The following PRPS1 variants were observed in gnomAD, a reference collection of about 807,000 sequenced individuals.
PRPS1 encodes ribose-phosphate pyrophosphokinase 1.
Under a neutral mutation model 16.9 loss-of-function variants are expected in PRPS1, and 1 was observed. The ratio of observed to expected loss-of-function variants is 0.06; its 90% CI spans 0.02 to 0.28. The LOEUF (loss-of-function observed/expected upper bound fraction) is 0.28, where lower values mean the gene tolerates loss of function less well. Among genes scored for constraint, PRPS1 ranks in the 10% least tolerant of loss-of-function variants. The pLI, the probability that PRPS1 is intolerant of heterozygous loss-of-function variation, is 1.00. For synonymous variants in PRPS1, 70 were observed against 90.2 expected, an observed-to-expected ratio of 0.78 and a Z score of 1.27; for missense variants, 47 against 254.0, an observed-to-expected ratio of 0.19 and a Z score of 5.54.
intron 2 of PRPS1, among the ~76,000 whole-genome samples, chrX:107,639,832 A>G (rs1475330728): frequency 1.8e-5 from 2 of 111,849 alleles, no homozygotes; most frequent in African/African-American, 6.5e-5. Flanking sequence ...TGACCTCTTC[A>G]TAAAACTTGA....
chrX:107,649,821 GCA>G, intron 6 of PRPS1, 117 bp from the exon 7 acceptor site: 1 of 1,140,524 alleles, frequency 8.8e-7, no homozygotes, highest in Non-Finnish European at 1.2e-6. Context: ...CAGGGAAACA[GCA>G]CAGTGTTGCA....
At chrX:107,641,173 G>T in intron 3 of PRPS1, 173 bp downstream of exon 3, 1 of 1,150,402 alleles carries the variant, frequency 8.7e-7, no homozygotes, top group African/African-American at 1.8e-5. Context: ...AGTCATTTCA[G>T]GTGGTTAGAT....
chrX:107,644,063 C>T (rs1925634660), intron 4 of PRPS1, among the ~76,000 whole-genome samples: 1 of 112,310 alleles, frequency 8.9e-6, no homozygotes, highest in Non-Finnish European at 1.9e-5. Flanking sequence ...CATGGACAGA[C>T]GTGCCACTGG....
chrX:107,641,112 G>C lies in PRPS1; in HGVS notation c.405+112G>C. The C allele has an allele frequency of 2.5e-6, 3 of 1,194,694 alleles. No homozygotes were observed. The South Asian group carries it at 5.4e-5, about 22-fold the overall frequency. On this transcript the variant is annotated intron_variant, in intron 3 of 6. Coordinates refer to ENST00000372435, the MANE Select transcript of PRPS1 (RefSeq NM_002764.4). ...GCCCAAGTACATCTGAAATAAACTA[G>C]ATATCAACAACATTTTAAATGTGTT... is the stretch of plus-strand genomic sequence containing the variant.
intron 2 of PRPS1, 127 bp from the exon 3 acceptor site, chrX:107,640,772 CCTT>C (rs1389634115): frequency 1.2e-5 from 8 of 675,727 alleles, no homozygotes; most frequent in South Asian, 2.4e-5. Flanking sequence ...GGACATGTCT[CCTT>C]CTATGAATTT....
intron 4 of PRPS1, 95 bp from the exon 5 acceptor site, chrX:107,645,082 G>A (rs1925660518): frequency 9.8e-7 from 1 of 1,016,866 alleles, no homozygotes; most frequent in African/African-American, 1.9e-5. Context: ...CCAAAGTGCT[G>A]GGATTACAGG....
Position 107,650,863 on chromosome X carries a change from T to G in PRPS1, c.*831T>G, listed in dbSNP as rs1482925909. The G allele has an allele frequency of 1.4e-5, 4 of 289,151 alleles. No homozygotes were observed. The highest frequency in any genetic ancestry group is 2.4e-5 in the Non-Finnish European group (4 of 166,318). The allele number at this position is 289,151 out of a possible 1,213,427, so 23.8% of individuals were successfully genotyped here. On this transcript the variant is annotated 3_prime_UTR_variant, in exon 7 of 7. Transcript: ENST00000372435. ...AGCCTACTGCCACTGAGGCAGTAGG[T>G]TTTAGGTGGTATCGTAGTGCCTTTT...
chrX:107,639,014 C>G (rs1293493465), intron 1 of PRPS1, among the ~76,000 whole-genome samples: 2 of 112,490 alleles, frequency 1.8e-5, no homozygotes, highest in East Asian at 5.5e-4. Context: ...GGATTATAGG[C>G]ATGAGCCACT....
intron 4 of PRPS1, among the ~76,000 whole-genome samples, chrX:107,643,835 G>A: frequency 9.0e-6 from 1 of 111,691 alleles, no homozygotes; most frequent in Middle Eastern, 4.6e-3. Context: ...AGAGTACAGG[G>A]TATGGTTGGT....
intron 1 of PRPS1, among the ~76,000 whole-genome samples, chrX:107,638,599 T>A (rs915908065): frequency 9.0e-6 from 1 of 111,549 alleles, no homozygotes; most frequent in African/African-American, 3.3e-5. Context: ...TTATTTATTT[T>A]TTGTAGAGAT....
chrX:107,638,877 C>T (rs926109656), intron 1 of PRPS1, among the ~76,000 whole-genome samples: 3 of 110,834 alleles, frequency 2.7e-5, no homozygotes, highest in African/African-American at 9.8e-5. Flanking sequence ...GGACTACAGG[C>T]GCCTGCCACC....
Position 107,628,539 on chromosome X carries a change from G to A in PRPS1, c.-90G>A, listed in dbSNP as rs920387457. 7 of 1,198,065 alleles carry A rather than the reference G, an allele frequency of 5.8e-6. No homozygotes were observed. The highest frequency in any genetic ancestry group is 6.3e-4 in the Middle Eastern group (2 of 3,193). ...TAAGATGGCGGAGTAGCAACGCAAA[G>A]CGCTTGGTATTGAGTCTGTGGCCGA... On this transcript the variant is annotated 5_prime_UTR_variant, in exon 1 of 7. Transcript: ENST00000372435.
At chrX:107,648,768 T>G (rs1925762363) in intron 6 of PRPS1, among the ~76,000 whole-genome samples, 1 of 111,049 alleles carries the variant, frequency 9.0e-6, no homozygotes, top group Admixed American at 9.6e-5. Context: ...TTGTTTGTTT[T>G]TTGTTTTTGA....
At chrX:107,631,966 G>T in intron 1 of PRPS1, among the ~76,000 whole-genome samples, 1 of 112,872 alleles carries the variant, frequency 8.9e-6, no homozygotes, top group Admixed American at 9.4e-5. Flanking sequence ...TGGGATTATA[G>T]GTGTGAGCTA....
rs1925806086 is a variant in PRPS1 at position 107,650,542 on chromosome X, C to T, written c.*510C>T. On this transcript the variant is annotated 3_prime_UTR_variant, in exon 7 of 7. Transcript: ENST00000372435. ...GAGCAGGCAGCTCAGCTTGAGCAGACATTGGGTGGGGGGTGGGGGGTGGTT... is the reference window on the plus strand; with the variant it reads ...GAGCAGGCAGCTCAGCTTGAGCAGATATTGGGTGGGGGGTGGGGGGTGGTT... 2 of 254,895 alleles carry T rather than the reference C, an allele frequency of 7.8e-6. No individual in the cohort carries two copies. Among genetic ancestry groups the T allele is most frequent in the African/African-American group, 8.3e-5 (2 of 24,230 alleles). The allele number at this position is 254,895 out of a possible 1,213,427, so 21.0% of individuals were successfully genotyped here. A position where few individuals can be genotyped will look rare whatever the true frequency, so the allele number is the denominator to read the frequency against.
In PRPS1 at chrX:107,642,604, T is replaced by C. The variant is rs1460334876; in HGVS notation, c.530+114T>C. On this transcript the variant is annotated intron_variant, in intron 4 of 6. Transcript: ENST00000372435. ...CAGTTTTTAAGTATTTTTGAATGGA[T>C]GTAAGTAGCTAGCACATGGGTTGAA... 1.3e-5 allele frequency: 12 copies of C among 945,152 alleles called. No homozygotes were observed. The South Asian group carries it at 1.8e-4, about 14-fold the overall frequency. The allele number at this position is 945,152 out of a possible 1,213,427, so 77.9% of individuals were successfully genotyped here.
At chrX:107,648,832 T>C (rs1925764377) in intron 6 of PRPS1, among the ~76,000 whole-genome samples, 1 of 111,591 alleles carries the variant, frequency 9.0e-6, no homozygotes, top group South Asian at 3.7e-4. Context: ...CGATCTCAGC[T>C]CACCGCAACC....
At chrX:107,636,433 A>T (rs756969417) in intron 1 of PRPS1, among the ~76,000 whole-genome samples, 1 of 112,652 alleles carries the variant, frequency 8.9e-6, no homozygotes, top group African/African-American at 3.2e-5. Flanking sequence ...AAAAAGGTTT[A>T]TCCTAAACTA....
intron 1 of PRPS1, among the ~76,000 whole-genome samples, chrX:107,636,056 C>CA (rs965370775): frequency 0.1 from 4,392 of 43,060 alleles, 518 homozygotes; most frequent in African/African-American, 0.3. Context: ...GAGACTGTCT[C>CA]AAAAAAAAAA....
Sources: allele counts gnomAD v4.1 joint callset (sites outside exome capture counted in the v4.1 genomes callset), GRCh38; gene constraint gnomAD v4.1.1; transcripts MANE v1.5; gene names NCBI Gene and HGNC (gene_info 2026-07-23, HGNC 2026-07-21).